PCDHGB1: variants seen among roughly 807,000 people sequenced by gnomAD.
The protein encoded by PCDHGB1 is protocadherin gamma-B1.
PCDHGB1 carries 34 observed loss-of-function variants against 56.6 expected under a neutral mutation model. That is an observed-to-expected ratio of 0.60 (90% CI 0.46 to 0.80). The LOEUF (loss-of-function observed/expected upper bound fraction) is 0.80, where lower values mean the gene tolerates loss of function less well. Ranked by LOEUF, PCDHGB1 falls within the 30% of genes least tolerant of loss-of-function variation. PCDHGB1 has a pLI of 0.00. For synonymous variants in PCDHGB1, 561 were observed against 505.9 expected (o/e 1.11, Z -1.46); for missense variants, 1,278 against 1,204.6 (o/e 1.06, Z -0.90).
intron 1 of PCDHGB1, chr5:141,418,422 G>A: frequency 6.2e-7 from 1 of 1,613,996 alleles, no homozygotes; most frequent in East Asian, 2.2e-5. Context: ...AATCCTGATG[G>A]TGGCAAATAT....
At chr5:141,410,893 G>A (rs1302061377) in intron 1 of PCDHGB1, 5 of 276,602 alleles carry the variant, frequency 1.8e-5, no homozygotes, top group South Asian at 4.6e-5. Context: ...TCGCACTGTT[G>A]CCTAGGCTGG....
rs572282329 is a variant in PCDHGB1 at position 141,388,648 on chromosome 5, T to A, written c.2409+35979T>A. On this transcript the variant is annotated intron_variant, in intron 1 of 3. Coordinates refer to ENST00000523390, the MANE Select transcript of PCDHGB1 (RefSeq NM_018922.3). ...TACAGGGTGAGCCTTTCAGAAAACG[T>A]GTACCCGGGGACCACGGTGCTACAG... is the stretch of plus-strand genomic sequence containing the variant. 5 of 1,613,938 alleles carry A rather than the reference T, an allele frequency of 3.1e-6. No homozygotes were observed. The East Asian group carries it at 8.9e-5, about 29-fold the overall frequency.
rs371350905 is a variant in PCDHGB1 at position 141,476,860 on chromosome 5, G to A, written c.2410-17947G>A. The A allele has an allele frequency of 6.7e-5, 108 of 1,613,762 alleles. No individual in the cohort carries two copies. The highest frequency in any genetic ancestry group is 1.6e-4 in the East Asian group (7 of 44,884). ...ATGCGCCTGTCTTCAACCAGTCCTT[G>A]TACCGGGCGCGCGTCCTGGAGGATG... is the stretch of plus-strand genomic sequence containing the variant. On this transcript the variant is annotated intron_variant, in intron 1 of 3. Transcript: ENST00000523390. This position sits in a 1 kb window ranked among gnomAD's most constrained non-coding sequence, Gnocchi z 7.6.
At chr5:141,413,524 A>G (rs772774054) in intron 1 of PCDHGB1, 7 of 1,613,974 alleles carry the variant, frequency 4.3e-6, no homozygotes, top group Non-Finnish European at 5.9e-6. Flanking sequence ...TGTGGAAGAC[A>G]GGGTGAAACT....
intron 1 of PCDHGB1, chr5:141,422,204 GAGGTCTCTTTACCA>G: frequency 6.4e-7 from 1 of 1,562,138 alleles, no homozygotes. Flanking sequence ...CAAGATGGTG[GAGGTCTCTTTACCA>G]CCACGACGAT....
intron 1 of PCDHGB1, among the ~76,000 whole-genome samples, chr5:141,407,310 T>C (rs1468156890): frequency 6.6e-6 from 1 of 152,224 alleles, no homozygotes; most frequent in Non-Finnish European, 1.5e-5. Context: ...GTAGCCTTCA[T>C]ACTTAGTATT....
In PCDHGB1 at chr5:141,376,671, G is replaced by T. The variant is rs541543618; in HGVS notation, c.2409+24002G>T. Reference sequence around the variant, plus strand: ...GGAAGACTCCCTTGTTCAGGTGAGGGTATCGTTTTTTTTTTTTTTTTTTTT... The same window carrying T: ...GGAAGACTCCCTTGTTCAGGTGAGGTTATCGTTTTTTTTTTTTTTTTTTTT... On this transcript the variant is annotated intron_variant, in intron 1 of 3. Transcript: ENST00000523390. The T allele has an allele frequency of 4.4e-4, 244 of 553,734 alleles. 1 individual carries two copies. The East Asian group carries it at 5.1e-3, about 12-fold the overall frequency. 34.3% of individuals were successfully genotyped at this position (553,734 alleles called of 1,614,324 possible).
At chr5:141,385,415 T>C (rs1781181251) in intron 1 of PCDHGB1, 2 of 1,466,016 alleles carry the variant, frequency 1.4e-6, no homozygotes, top group Non-Finnish European at 1.8e-6. Context: ...AAAATAGGGA[T>C]TTAAAAAACT....
chr5:141,383,972 A>C, intron 1 of PCDHGB1: 1 of 1,613,800 alleles, frequency 6.2e-7, no homozygotes, highest in Non-Finnish European at 8.5e-7. Context: ...TCAATCCCTG[A>C]AGACACACCT....
intron 1 of PCDHGB1, chr5:141,439,807 G>A (rs2098132839): frequency 6.6e-6 from 1 of 152,336 alleles, no homozygotes; most frequent in African/African-American, 2.4e-5. Context: ...AGTTTGAAAA[G>A]GGGCTTATTT....
At chr5:141,414,703 T>C in intron 1 of PCDHGB1, 1 of 1,613,994 alleles carries the variant, frequency 6.2e-7, no homozygotes. Flanking sequence ...CTCATACATA[T>C]CCATCAACTC....
Position 141,511,313 on chromosome 5 carries a change from C to T in PCDHGB1, c.*140C>T. ...CCAAGGCCATGCTCCCCTTGGGAAA[C>T]AGAAACAAGTGCCCAGTCAGCACCT... On this transcript the variant is annotated 3_prime_UTR_variant, in exon 4 of 4. Transcript: ENST00000523390. 2 of 1,482,944 alleles carry T rather than the reference C, an allele frequency of 1.3e-6. No homozygotes were observed. The highest frequency in any genetic ancestry group is 2.3e-5 in the Admixed American group (1 of 43,596). 91.9% of individuals were successfully genotyped at this position (1,482,944 alleles called of 1,614,324 possible).
intron 1 of PCDHGB1, among the ~76,000 whole-genome samples, chr5:141,382,474 A>G (rs1436988724): frequency 6.6e-6 from 1 of 152,244 alleles, no homozygotes; most frequent in East Asian, 1.9e-4. Context: ...AAAATTATCT[A>G]AGATTATCAA....
rs746989617 is a variant in PCDHGB1 at position 141,422,853 on chromosome 5, C to G, written c.2409+70184C>G. On this transcript the variant is annotated intron_variant, in intron 1 of 3. Transcript: ENST00000523390. ...TAGCACGTGACAGCGGGGACCCGCC[C>G]CTCAGCAGCAACGTGTCGCTGAGCC... 16 of 1,614,146 alleles carry G rather than the reference C, an allele frequency of 9.9e-6. 1 individual carries two copies. In the South Asian group the frequency reaches 1.6e-4, roughly 17 times the overall value.
chr5:141,350,743 C>G lies in PCDHGB1; in HGVS notation c.483C>G (p.Gly161=), dbSNP rs1342170939. ...CTGCTCAAGATGCAGATGTGGAAGG[C>G]AATTCACTGAAGTTATACACCATCA... The part of the protein sequence containing the change: ...LDSAQDADVE[G]NSLKLYTINP... Residue 161 remains glycine (G), a synonymous_variant, in exon 1 of 4, where the codon GGC becomes GGG. Transcript: ENST00000523390. 6.2e-7 allele frequency: 1 copy of G among 1,613,930 alleles called. No individual in the cohort carries two copies. The highest frequency in any genetic ancestry group is 2.2e-5 in the East Asian group (1 of 44,894).
At chr5:141,388,486 A>G in intron 1 of PCDHGB1, 1 of 1,613,858 alleles carries the variant, frequency 6.2e-7, no homozygotes, top group Non-Finnish European at 8.5e-7. Context: ...ACACCTTTGG[A>G]CAGAGAAAAG....
intron 1 of PCDHGB1, chr5:141,365,341 A>T: frequency 6.2e-7 from 1 of 1,613,960 alleles, no homozygotes; most frequent in African/African-American, 1.3e-5. Context: ...TGGTCACAGT[A>T]CAGGACGTGA....
In PCDHGB1 at chr5:141,414,479, C is replaced by G. The variant is rs752879517; in HGVS notation, c.2409+61810C>G. The G allele has an allele frequency of 3.1e-6, 5 of 1,613,906 alleles. No homozygotes were observed. The highest frequency in any genetic ancestry group is 1.3e-5 in the African/African-American group (1 of 75,040). Reference sequence around the variant, plus strand: ...ACAGCCACAGATGGGGGAAGTCCTCCTCTATCAACGGAAGCTCACTTTATG... The same window carrying G: ...ACAGCCACAGATGGGGGAAGTCCTCGTCTATCAACGGAAGCTCACTTTATG... On this transcript the variant is annotated intron_variant, in intron 1 of 3. Coordinates refer to ENST00000523390, the MANE Select transcript of PCDHGB1 (RefSeq NM_018922.3).
intron 1 of PCDHGB1, chr5:141,404,726 G>A (rs772532099): frequency 6.2e-7 from 1 of 1,614,094 alleles, no homozygotes; most frequent in Admixed American, 1.7e-5. Context: ...GACCAAGGTG[G>A]TGGCAGTGGA....
Sources: gnomAD v4.1 joint callset for allele counts (sites outside exome capture counted in the v4.1 genomes callset) on GRCh38, gnomAD v4.1.1 for gene constraint, Gnocchi (gnomAD v3.1) non-coding constraint, MANE v1.5 for transcripts, NCBI Gene and HGNC (gene_info 2026-07-23, HGNC 2026-07-21) for gene names.